Variants in NRG3 observed in about 807,000 individuals in gnomAD.
NRG3 encodes the protein neuregulin 3, also known as pro-neuregulin-3, membrane-bound isoform.
Under a neutral mutation model 66.9 loss-of-function variants are expected in NRG3, and 31 were observed. The ratio of observed to expected loss-of-function variants is 0.46; its 90% CI spans 0.35 to 0.63. The LOEUF is 0.63. NRG3 is among the 20% of genes least tolerant of loss of function. NRG3 has a pLI of 0.00. For synonymous variants in NRG3, 393 were observed against 359.4 expected (o/e 1.09, Z -1.06); for missense variants, 910 against 878.9 (o/e 1.04, Z -0.45).
chr10:82,348,068 T>C (rs1274427650), intron 1 of NRG3, among the ~76,000 whole-genome samples: 1 of 151,672 alleles, frequency 6.6e-6, no homozygotes, highest in Non-Finnish European at 1.5e-5. Flanking sequence ...TCCATTTACA[T>C]TTAAAGTTAA....
chr10:82,084,287 T>C (rs1433136576), intron 1 of NRG3, among the ~76,000 whole-genome samples: 1 of 152,138 alleles, frequency 6.6e-6, no homozygotes, highest in East Asian at 1.9e-4. Flanking sequence ...TTAAAAAGAA[T>C]CTCATACAGT....
chr10:82,933,281 A>G (rs1847761681), intron 4 of NRG3, among the ~76,000 whole-genome samples: 1 of 152,102 alleles, frequency 6.6e-6, no homozygotes, highest in African/African-American at 2.4e-5. Context: ...GATCTTGGGA[A>G]GTAAGCATGT....
intron 1 of NRG3, among the ~76,000 whole-genome samples, chr10:81,974,141 C>T (rs1226935377): frequency 6.6e-6 from 1 of 152,032 alleles, no homozygotes; most frequent in Non-Finnish European, 1.5e-5. Flanking sequence ...GCCAGTTATC[C>T]CAGCACCATT....
chr10:82,078,023 G>T (rs529790886), intron 1 of NRG3, among the ~76,000 whole-genome samples: 2 of 152,182 alleles, frequency 1.3e-5, no homozygotes, highest in African/African-American at 2.4e-5. Context: ...TTGGGACAAG[G>T]CATGGTGGCC....
chr10:81,952,225 A>G (rs1211602211), intron 1 of NRG3, among the ~76,000 whole-genome samples: 1 of 152,196 alleles, frequency 6.6e-6, no homozygotes, highest in Non-Finnish European at 1.5e-5. Context: ...CATGTACCCT[A>G]AAACTTAAAG....
chr10:82,739,467 C>T (rs2058314124), intron 3 of NRG3, among the ~76,000 whole-genome samples: 1 of 152,196 alleles, frequency 6.6e-6, no homozygotes, highest in South Asian at 2.1e-4. Flanking sequence ...TTCTGAATAT[C>T]ATACATACGT....
chr10:82,498,873 G>C (rs1206979946), intron 2 of NRG3, among the ~76,000 whole-genome samples: 3 of 152,034 alleles, frequency 2.0e-5, no homozygotes, highest in Non-Finnish European at 4.4e-5. Flanking sequence ...AGCCATTAAG[G>C]TACACAGTGT....
chr10:82,475,861 C>G (rs1841726513), intron 2 of NRG3, among the ~76,000 whole-genome samples: 1 of 152,104 alleles, frequency 6.6e-6, no homozygotes, highest in Admixed American at 6.5e-5. Flanking sequence ...AAATTAAAAA[C>G]TTTCATGCAT....
At chr10:82,362,551 T>TTTTTTTTTTTTG (rs2084244813) in intron 2 of NRG3, among the ~76,000 whole-genome samples, 1 of 100,032 alleles carries the variant, frequency 1.0e-5, no homozygotes, top group Non-Finnish European at 1.8e-5. Context: ...TTTCTGGGTT[T>TTTTTTTTTTTTG]TTTTTTTTTT....
intron 1 of NRG3, among the ~76,000 whole-genome samples, chr10:82,266,140 A>G (rs1188385094): frequency 6.6e-6 from 1 of 152,162 alleles, no homozygotes; most frequent in East Asian, 1.9e-4. Flanking sequence ...GTGTATGCTT[A>G]TGGGACCAAT....
chr10:82,591,333 G>T (rs752560437), intron 2 of NRG3, among the ~76,000 whole-genome samples: 1 of 152,174 alleles, frequency 6.6e-6, no homozygotes, highest in Non-Finnish European at 1.5e-5. Context: ...GGGAAAAAAT[G>T]ATAATGATAC....
At chr10:82,024,301 TTTG>T (rs72450581) in intron 1 of NRG3, among the ~76,000 whole-genome samples, 2,008 of 152,106 alleles carry the variant, frequency 0.013, 36 homozygotes, top group African/African-American at 0.046. Context: ...ACAAGTTGTA[TTTG>T]TTGATCTTTT....
At chr10:81,998,714 C>G (rs1364438551) in intron 1 of NRG3, among the ~76,000 whole-genome samples, 13 of 152,166 alleles carry the variant, frequency 8.5e-5, no homozygotes, top group Non-Finnish European at 1.9e-4. Flanking sequence ...GCTTTCTCTC[C>G]TTTTCTCACA....
intron 1 of NRG3, among the ~76,000 whole-genome samples, chr10:81,922,623 A>T (rs1846362214): frequency 1.3e-5 from 2 of 152,172 alleles, no homozygotes; most frequent in South Asian, 4.1e-4. Flanking sequence ...TTACATTCAT[A>T]TAAAAATTTG....
chr10:82,366,329 G>A (rs1396297139), intron 2 of NRG3, among the ~76,000 whole-genome samples: 3 of 152,150 alleles, frequency 2.0e-5, no homozygotes, highest in Non-Finnish European at 2.9e-5. Flanking sequence ...GAGAGAAATT[G>A]TACCAGTATC....
chr10:82,058,243 T>C (rs1334213362), intron 1 of NRG3, among the ~76,000 whole-genome samples: 4 of 151,990 alleles, frequency 2.6e-5, no homozygotes, highest in Non-Finnish European at 5.9e-5. Context: ...GTTATTTTTT[T>C]CCCTAGTTTG....
intron 1 of NRG3, among the ~76,000 whole-genome samples, chr10:82,324,873 A>T (rs891901222): frequency 6.6e-6 from 1 of 152,192 alleles, no homozygotes; most frequent in Non-Finnish European, 1.5e-5. Context: ...AGAAAAGAAT[A>T]TTTATCTGCT....
chr10:81,930,844 A>G (rs961963842), intron 1 of NRG3, among the ~76,000 whole-genome samples: 7 of 152,190 alleles, frequency 4.6e-5, no homozygotes, highest in African/African-American at 9.6e-5. Flanking sequence ...AGACTTTAGC[A>G]TGGTAATGAG....
chr10:82,400,064 C>T (rs950064735), intron 2 of NRG3, among the ~76,000 whole-genome samples: 2 of 151,976 alleles, frequency 1.3e-5, no homozygotes, highest in African/African-American at 4.8e-5. Context: ...TATATCTGAT[C>T]GTTTACAGAT....
Sources: allele counts gnomAD v4.1 joint callset (sites outside exome capture counted in the v4.1 genomes callset), GRCh38; gene constraint gnomAD v4.1.1; transcripts MANE v1.5; gene names NCBI Gene and HGNC (gene_info 2026-07-23, HGNC 2026-07-21).